TNRC6A: variants seen among roughly 807,000 people sequenced by gnomAD.
TNRC6A encodes trinucleotide repeat containing adaptor 6A.
Under a neutral mutation model 221.2 loss-of-function variants are expected in TNRC6A, and 44 were observed. The ratio of observed to expected loss-of-function variants is 0.20; its 90% CI spans 0.16 to 0.26. The LOEUF is 0.26. Ranked by LOEUF, TNRC6A falls within the 10% of genes least tolerant of loss-of-function variation. The pLI, the probability that TNRC6A is intolerant of heterozygous loss-of-function variation, is 1.00. For synonymous variants in TNRC6A, 847 were observed against 838.5 expected (o/e 1.01, Z -0.18); for missense variants, 2,199 against 2,404.4 (o/e 0.91, Z 1.79).
intron 2 of TNRC6A, 86 bp downstream of exon 2, chr16:24,730,386 C>A: frequency 6.7e-7 from 1 of 1,495,032 alleles, no homozygotes; most frequent in South Asian, 1.2e-5. Context: ...GAGAAGTTCC[C>A]CCGTGACATT....
Position 24,823,520 on chromosome 16 carries a change from C to T in TNRC6A, c.5602C>T (p.Pro1868Ser), listed in dbSNP as rs2058811006. The change falls in exon 25 of 25, where the codon CCT (proline) becomes TCT (serine). Residue 1868 changes from proline to serine, a missense_variant. By Grantham distance (74) the Pro-to-Ser change is moderately conservative. Around this residue, in one of 8 missense-constraint regions of TNRC6A, gnomAD observed 20 missense variants for 25.6 expected, o/e 0.78. Coordinates refer to ENST00000395799, the MANE Select transcript of TNRC6A (RefSeq NM_014494.4). The surrounding 1 kb of genome is among the most constrained non-coding windows in gnomAD (Gnocchi z 4.3). The stretch of plus-strand genomic sequence containing the variant: ...CTTTGCACAAAGCCAGTCTCTGACC[C>T]CTTCTCCCGGCTGGCAGTCTCTCGG... ...RFFAQSQSLT[P>S]SPGWQSLGSS... 1 of 1,614,072 alleles carries T rather than the reference C, an allele frequency of 6.2e-7. No homozygotes were observed. Among genetic ancestry groups the T allele is most frequent in the African/African-American group, 1.3e-5 (1 of 74,924 alleles).
intron 5 of TNRC6A, among the ~76,000 whole-genome samples, chr16:24,788,049 C>T (rs924811935): frequency 6.6e-6 from 1 of 152,208 alleles, no homozygotes; most frequent in Non-Finnish European, 1.5e-5. Context: ...TGAGGAGTGT[C>T]TGCCTACCAG....
intron 4 of TNRC6A, among the ~76,000 whole-genome samples, chr16:24,773,684 A>G (rs2057659965): frequency 6.6e-6 from 1 of 152,080 alleles, no homozygotes; most frequent in Non-Finnish European, 1.5e-5. Context: ...TTTTGGTATT[A>G]TGAGGCTTGG....
At chr16:24,633,786 CT>C (rs59714465) in intron 1 of TNRC6A, among the ~76,000 whole-genome samples, 94,165 of 144,710 alleles carry the variant, frequency 0.65, 30,985 homozygotes, top group African/African-American at 0.77. Flanking sequence ...ATTTATCTCT[CT>C]TTTTTTTTTT....
intron 2 of TNRC6A, among the ~76,000 whole-genome samples, chr16:24,697,527 A>G (rs2055886183): frequency 2.0e-5 from 3 of 152,062 alleles, no homozygotes; most frequent in Admixed American, 1.3e-4. Context: ...TCTACTAAAA[A>G]TACAAAACTT....
chr16:24,765,258 C>T (rs1481971724), intron 4 of TNRC6A, among the ~76,000 whole-genome samples: 1 of 152,170 alleles, frequency 6.6e-6, no homozygotes, highest in Non-Finnish European at 1.5e-5. Flanking sequence ...GAGGAGAAAA[C>T]TGAGGCTCAA....
intron 2 of TNRC6A, among the ~76,000 whole-genome samples, chr16:24,747,990 G>A (rs1567419113): frequency 6.6e-6 from 1 of 152,254 alleles, no homozygotes; most frequent in East Asian, 1.9e-4. Flanking sequence ...AAGAACAAAT[G>A]CTGAAGGTGC....
chr16:24,809,623 T>C, intron 18 of TNRC6A, 142 bp downstream of exon 18: 1 of 1,096,308 alleles, frequency 9.1e-7, no homozygotes, highest in East Asian at 2.9e-5. Context: ...AAAGTTGTTA[T>C]TAAGTCTTAG....
rs751043658 is a variant in TNRC6A at position 24,797,936 on chromosome 16, G to GTA, written c.3665_3666dup (p.Gln1223TyrfsTer20). The GTA allele has an allele frequency of 2.0e-5, 33 of 1,610,870 alleles. No individual in the cohort carries two copies. Among genetic ancestry groups the GTA allele is most frequent in the Non-Finnish European group, 2.8e-5 (33 of 1,178,472 alleles). On this transcript the variant is annotated frameshift_variant, in exon 11 of 25. Coordinates refer to ENST00000395799, the MANE Select transcript of TNRC6A (RefSeq NM_014494.4). LOFTEE classifies it high-confidence loss of function. The stretch of plus-strand genomic sequence containing the variant: ...TCAGAGAGACTCACCAGAGGAAAAT[G>GTA]TACAAAGCAATAAGATGGACCTTTC...
At chr16:24,652,313 T>A (rs146178846) in intron 2 of TNRC6A, among the ~76,000 whole-genome samples, 46 of 152,318 alleles carry the variant, frequency 3.0e-4, no homozygotes, top group Non-Finnish European at 5.1e-4. Context: ...GCTAGATAAG[T>A]GTTATCCCAT....
chr16:24,738,710 C>T (rs2056826284), intron 2 of TNRC6A, among the ~76,000 whole-genome samples: 1 of 152,112 alleles, frequency 6.6e-6, no homozygotes, highest in African/African-American at 2.4e-5. Flanking sequence ...TTGGGCTGTT[C>T]TAACTTTGGG....
chr16:24,619,332 A>T (rs1900545440), intron 1 of TNRC6A, among the ~76,000 whole-genome samples: 1 of 152,210 alleles, frequency 6.6e-6, no homozygotes, highest in South Asian at 2.1e-4. Context: ...TCATGAATTT[A>T]AGTAGCTGCT....
At chr16:24,821,128 G>A (rs2058757735) in intron 22 of TNRC6A, among the ~76,000 whole-genome samples, 1 of 152,236 alleles carries the variant, frequency 6.6e-6, no homozygotes, top group African/African-American at 2.4e-5. Flanking sequence ...GTTAATTATA[G>A]GAAAAGAACA....
intron 11 of TNRC6A, among the ~76,000 whole-genome samples, chr16:24,799,276 T>C (rs1344697835): frequency 6.6e-6 from 1 of 151,596 alleles, no homozygotes; most frequent in Non-Finnish European, 1.5e-5. Context: ...TCCAAAAGGG[T>C]AAAATTGGAG....
intron 2 of TNRC6A, among the ~76,000 whole-genome samples, chr16:24,652,550 T>G (rs1902732736): frequency 6.6e-6 from 1 of 152,212 alleles, no homozygotes; most frequent in Non-Finnish European, 1.5e-5. Flanking sequence ...ACCCACTGAC[T>G]GCAACATTTT....
In TNRC6A at chr16:24,736,183, A is replaced by G. The variant is rs117851102; in HGVS notation, c.53+5883A>G. On this transcript the variant is annotated intron_variant, in intron 2 of 24. Coordinates refer to ENST00000395799, the MANE Select transcript of TNRC6A (RefSeq NM_014494.4). ...AAACTCTGTCTCAAATAAATAATCA[A>G]TCATTCTAACCTTAAGCAAAATTGG... 8.5e-3 allele frequency among the ~76,000 whole-genome samples: 1,302 copies of G among 152,282 alleles called. 13 individuals are homozygous for G. Among genetic ancestry groups the G allele is most frequent in the Non-Finnish European group, 0.014 (958 of 68,018 alleles).
chr16:24,717,540 T>C (rs542549911), intron 2 of TNRC6A, among the ~76,000 whole-genome samples: 16 of 152,284 alleles, frequency 1.1e-4, no homozygotes, highest in African/African-American at 3.8e-4. Flanking sequence ...TGAATGTGCC[T>C]GTGGTGGATC....
At chr16:24,819,937 T>C (rs2058734289) in intron 21 of TNRC6A, among the ~76,000 whole-genome samples, 1 of 152,210 alleles carries the variant, frequency 6.6e-6, no homozygotes, top group African/African-American at 2.4e-5. Flanking sequence ...TAGTAACAGA[T>C]CAATGGCTTG....
At chr16:24,713,451 AAAAAAT>A (rs56871902) in intron 2 of TNRC6A, among the ~76,000 whole-genome samples, 3,796 of 96,484 alleles carry the variant, frequency 0.039, 88 homozygotes, top group East Asian at 0.12. Context: ...CAAACAAACA[AAAAAAT>A]ATATATATAT....
Sources: allele counts gnomAD v4.1 joint callset (sites outside exome capture counted in the v4.1 genomes callset), GRCh38; gene constraint gnomAD v4.1.1; regional missense constraint gnomAD v4.1.1; non-coding constraint Gnocchi (gnomAD v3.1); transcripts MANE v1.5; gene names NCBI Gene and HGNC (gene_info 2026-07-23, HGNC 2026-07-21).